The following MSRA variants were observed in gnomAD, a reference collection of about 807,000 sequenced individuals.
The protein encoded by MSRA is methionine sulfoxide reductase A.
A neutral mutation model predicts 31.3 loss-of-function variants in MSRA; 54 were observed. The observed-to-expected ratio is 1.73, with a 90% CI of 1.39 to 2.17. The LOEUF (loss-of-function observed/expected upper bound fraction) is 2.17. MSRA is among the 30% of genes most tolerant of loss of function. MSRA has a pLI of 0.00. For missense variants in MSRA, 507 were observed against 300.9 expected (o/e 1.69, Z -5.07); for synonymous variants, 169 against 116.5 (o/e 1.45, Z -2.90).
intron 2 of MSRA, among the ~76,000 whole-genome samples, chr8:10,225,845 A>G (rs922546798): frequency 2.6e-5 from 4 of 152,238 alleles, no homozygotes; most frequent in African/African-American, 9.6e-5. Context: ...GTGCCAAGCC[A>G]TGCTGAAAGG....
At chr8:10,085,972 G>T in intron 1 of MSRA, among the ~76,000 whole-genome samples, 1 of 152,122 alleles carries the variant, frequency 6.6e-6, no homozygotes, top group Non-Finnish European at 1.5e-5. Flanking sequence ...GCTGCTGGGT[G>T]TTCAGATTGT....
intron 4 of MSRA, among the ~76,000 whole-genome samples, chr8:10,311,608 T>C (rs932149073): frequency 6.6e-6 from 1 of 152,182 alleles, no homozygotes; most frequent in African/African-American, 2.4e-5. Flanking sequence ...AATCGTCTTA[T>C]GTTAGAAAAT....
chr8:10,219,369 G>A (rs564430135), intron 2 of MSRA, among the ~76,000 whole-genome samples: 1 of 152,200 alleles, frequency 6.6e-6, no homozygotes, highest in African/African-American at 2.4e-5. Context: ...CAAATTTTTG[G>A]GGATTCAAGA....
intron 3 of MSRA, among the ~76,000 whole-genome samples, chr8:10,266,923 T>C (rs1464329558): frequency 2.6e-5 from 4 of 152,206 alleles, no homozygotes; most frequent in African/African-American, 4.8e-5. Context: ...ACCCCTAAAG[T>C]ACATTGCCCA....
At chr8:10,253,965 A>C (rs923580450) in intron 3 of MSRA, among the ~76,000 whole-genome samples, 2 of 152,140 alleles carry the variant, frequency 1.3e-5, no homozygotes, top group African/African-American at 4.8e-5. Flanking sequence ...CATGGGAGTG[A>C]AGCACCCAGA....
chr8:10,176,631 T>G (rs1211931502), intron 1 of MSRA, among the ~76,000 whole-genome samples: 2 of 152,228 alleles, frequency 1.3e-5, no homozygotes, highest in Non-Finnish European at 2.9e-5. Flanking sequence ...TTTCCCCTTT[T>G]CGTGTGAAGA....
chr8:10,058,564 C>G (rs1457528935), intron 1 of MSRA, among the ~76,000 whole-genome samples: 5 of 145,304 alleles, frequency 3.4e-5, no homozygotes, highest in African/African-American at 7.7e-5. Flanking sequence ...CTAGTTTCAC[C>G]AAGATTATCT....
At chr8:10,406,197 G>A (rs10094308) in intron 5 of MSRA, among the ~76,000 whole-genome samples, 151,628 of 152,340 alleles carry the variant, frequency 1, 75,466 homozygotes, top group Middle Eastern at 1. Context: ...GTTCACAGCA[G>A]TGGTCTCGCA....
intron 5 of MSRA, among the ~76,000 whole-genome samples, chr8:10,399,893 G>A (rs913145994): frequency 2.0e-5 from 3 of 152,160 alleles, no homozygotes; most frequent in Non-Finnish European, 4.4e-5. Context: ...GGATGGTCTT[G>A]GGGGCAGCAT....
chr8:10,301,028 C>T (rs932837042), intron 3 of MSRA, among the ~76,000 whole-genome samples: 1 of 152,172 alleles, frequency 6.6e-6, no homozygotes. Flanking sequence ...CAGCACAGCA[C>T]GTATGTCCCT....
intron 2 of MSRA, among the ~76,000 whole-genome samples, chr8:10,235,331 T>C (rs1225664091): frequency 6.6e-6 from 1 of 152,012 alleles, no homozygotes; most frequent in Non-Finnish European, 1.5e-5. Flanking sequence ...AAGAAGGAAA[T>C]GAAATGGAAA....
chr8:10,155,512 C>T (rs1041187792), intron 1 of MSRA, among the ~76,000 whole-genome samples: 3 of 152,194 alleles, frequency 2.0e-5, no homozygotes, highest in Non-Finnish European at 2.9e-5. Flanking sequence ...GAAGCTGTGC[C>T]ATCCCAGCCA....
intron 2 of MSRA, among the ~76,000 whole-genome samples, chr8:10,212,999 G>T (rs917721570): frequency 2.0e-5 from 3 of 152,086 alleles, no homozygotes; most frequent in South Asian, 2.1e-4. Flanking sequence ...TGGAAATGGG[G>T]TGTCTGTCCC....
chr8:10,343,247 T>G (rs1803555587), intron 5 of MSRA, among the ~76,000 whole-genome samples: 1 of 152,172 alleles, frequency 6.6e-6, no homozygotes, highest in Admixed American at 6.5e-5. Context: ...CCAGAATCCA[T>G]GGTGAGAACA....
chr8:10,133,861 C>G (rs531475730), intron 1 of MSRA, among the ~76,000 whole-genome samples: 2 of 151,998 alleles, frequency 1.3e-5, no homozygotes, highest in African/African-American at 2.4e-5. Context: ...GATGGAGTCT[C>G]GCTCTGTCGC....
At chr8:10,067,633 C>T (rs773154171) in intron 1 of MSRA, among the ~76,000 whole-genome samples, 26 of 152,172 alleles carry the variant, frequency 1.7e-4, no homozygotes, top group Non-Finnish European at 2.8e-4. Flanking sequence ...TGCATTGCCA[C>T]CAGCAATAAA....
At chr8:10,131,442 A>G (rs1318617487) in intron 1 of MSRA, among the ~76,000 whole-genome samples, 1 of 152,206 alleles carries the variant, frequency 6.6e-6, no homozygotes, top group African/African-American at 2.4e-5. Context: ...GACTTATTGT[A>G]GGGGAGGGCA....
Position 10,186,898 on chromosome 8 carries a change from A to G in MSRA, c.143-20935A>G, listed in dbSNP as rs546945972. Among the ~76,000 whole-genome samples the G allele has an allele frequency of 6.5e-4, 99 of 152,294 alleles. 1 individual carries two copies. Among genetic ancestry groups the G allele is most frequent in the Non-Finnish European group, 1.1e-3 (72 of 68,026 alleles). ...AAAAAGATCTTGCTTTGGTTTTTGT[A>G]AAAATACCAGCCTTAGATCTTTTTG... On this transcript the variant is annotated intron_variant, in intron 1 of 5. Coordinates refer to ENST00000317173, the MANE Select transcript of MSRA (RefSeq NM_012331.5).
intron 5 of MSRA, among the ~76,000 whole-genome samples, chr8:10,331,060 A>G (rs764741867): frequency 1.1e-4 from 16 of 152,216 alleles, no homozygotes; most frequent in Non-Finnish European, 1.5e-4. Context: ...TGCTGCACAC[A>G]GAAGTCATGT....
Sources: gnomAD v4.1 joint callset for allele counts (sites outside exome capture counted in the v4.1 genomes callset) on GRCh38, gnomAD v4.1.1 for gene constraint, MANE v1.5 for transcripts, NCBI Gene and HGNC (gene_info 2026-07-23, HGNC 2026-07-21) for gene names.